UNC79: variants seen among roughly 807,000 people sequenced by gnomAD.
UNC79 encodes the protein protein unc-79 homolog.
In UNC79, 37 loss-of-function variants were observed where a neutral mutation model predicts 283.1. The observed-to-expected ratio is 0.13, with a 90% CI of 0.10 to 0.17. The LOEUF is 0.17. UNC79 is among the 10% of genes least tolerant of loss of function. The probability of loss-of-function intolerance (pLI) is 1.00; values close to 1 mark genes in which losing one functional copy is unlikely to be tolerated. For missense variants in UNC79, 2,272 were observed against 3,211.1 expected (o/e 0.71, Z 7.07); for synonymous variants, 1,107 against 1,200.2 (o/e 0.92, Z 1.61).
chr14:93,612,694 G>C (rs777625910), intron 26 of UNC79, 103 bp from the exon 28 acceptor site: 108 of 1,471,764 alleles, frequency 7.3e-5, no homozygotes, highest in Non-Finnish European at 8.7e-5. Context: ...AGAAAATTTT[G>C]TAGACGCAGA....
At chr14:93,515,183 G>A (rs2059997946) in intron 7 of UNC79, among the ~76,000 whole-genome samples, 1 of 151,248 alleles carries the variant, frequency 6.6e-6, no homozygotes, top group Non-Finnish European at 1.5e-5. Context: ...CTAAAGTTTT[G>A]TAGCCTTTGA....
At chr14:93,682,798 C>G in intron 42 of UNC79, 104 bp downstream of exon 45, 1 of 1,076,926 alleles carries the variant, frequency 9.3e-7, no homozygotes, top group Non-Finnish European at 1.4e-6. Flanking sequence ...CTGCCATTTA[C>G]TAGCTATGTG....
At chr14:93,385,633 G>T (rs1407504652) in intron 1 of UNC79, among the ~76,000 whole-genome samples, 2 of 152,082 alleles carry the variant, frequency 1.3e-5, no homozygotes, top group Non-Finnish European at 2.9e-5. Flanking sequence ...ACAAAAATTA[G>T]CCAGGCGTGT....
intron 47 of UNC79, among the ~76,000 whole-genome samples, chr14:93,704,122 C>A (rs1239783358): frequency 1.3e-5 from 2 of 152,184 alleles, no homozygotes; most frequent in Non-Finnish European, 2.9e-5. Context: ...TTCGCAGACA[C>A]CCGGCTCAGT....
At chr14:93,520,611 A>G (rs1388057813) in intron 7 of UNC79, among the ~76,000 whole-genome samples, 1 of 151,966 alleles carries the variant, frequency 6.6e-6, no homozygotes, top group African/African-American at 2.4e-5. Context: ...AGTTCACTGT[A>G]TCTCTATTTT....
At chr14:93,598,396 GT>G (rs1566742051) in intron 24 of UNC79, among the ~76,000 whole-genome samples, 4 of 151,814 alleles carry the variant, frequency 2.6e-5, no homozygotes, top group South Asian at 2.1e-4. Flanking sequence ...GTGTGTGTGT[GT>G]GTGTGTGTGT....
Position 93,687,865 on chromosome 14 carries a change from C to T in UNC79, c.6910-800C>T, listed in dbSNP as rs75494886. Among the ~76,000 whole-genome samples the T allele has an allele frequency of 5.7e-3, 867 of 152,118 alleles. 9 individuals are homozygous for T. The highest frequency in any genetic ancestry group is 0.02 in the African/African-American group (821 of 41,486). On this transcript the variant is annotated intron_variant, in intron 43 of 48. Transcript: ENST00000555664. ...GCTTTCGAAAAATAATAAGTAGGAA[C>T]CAGGATCATCAAAAGGTTGGAAATA...
At chr14:93,702,176 G>C (rs949832947) in intron 47 of UNC79, among the ~76,000 whole-genome samples, 2 of 152,078 alleles carry the variant, frequency 1.3e-5, no homozygotes, top group African/African-American at 2.4e-5. Flanking sequence ...TTTCCATTCA[G>C]AATGTCTAGA....
At chr14:93,366,417 A>G (rs1273031472) in intron 1 of UNC79, among the ~76,000 whole-genome samples, 1 of 152,192 alleles carries the variant, frequency 6.6e-6, no homozygotes, top group Non-Finnish European at 1.5e-5. Flanking sequence ...ATGTCCAGCC[A>G]GAGCAGGGTC....
intron 14 of UNC79, among the ~76,000 whole-genome samples, chr14:93,570,501 A>G (rs765169900): frequency 8.5e-5 from 13 of 152,240 alleles, no homozygotes; most frequent in Non-Finnish European, 1.6e-4. Context: ...GAAGTCTTCC[A>G]TAATATCTCC....
Position 93,457,048 on chromosome 14 carries a change from G to C in UNC79, c.23-10623G>C, listed in dbSNP as rs142940821. On this transcript the variant is annotated intron_variant, in intron 1 of 48. Coordinates refer to ENST00000555664, the Ensembl canonical transcript of UNC79. ...TTGTTCTTCCTATGAGTAGTAGGAA[G>C]AGGAGGTAGTGGAAACTTTAGTGTT... Among the ~76,000 whole-genome samples the C allele has an allele frequency of 9.7e-3, 1,482 of 152,328 alleles. 16 individuals are homozygous for C. Among genetic ancestry groups the C allele is most frequent in the Middle Eastern group, 0.051 (15 of 294 alleles).
At chr14:93,615,869 A>T (rs920888822) in intron 27 of UNC79, among the ~76,000 whole-genome samples, 1 of 152,042 alleles carries the variant, frequency 6.6e-6, no homozygotes, top group Non-Finnish European at 1.5e-5. Flanking sequence ...ACATTTTGGC[A>T]TATATTGCTC....
chr14:93,494,929 G>T (rs971913227), intron 5 of UNC79, among the ~76,000 whole-genome samples: 2 of 152,172 alleles, frequency 1.3e-5, no homozygotes, highest in Non-Finnish European at 2.9e-5. Flanking sequence ...CACTGTGGAG[G>T]TTATTATAAC....
At chr14:93,404,513 T>TATATATATATATATATATAAAA (rs1229909876) in intron 1 of UNC79, among the ~76,000 whole-genome samples, 4 of 113,294 alleles carry the variant, frequency 3.5e-5, no homozygotes, top group Admixed American at 1.0e-4. Flanking sequence ...TATATATATA[T>TATATATATATATATATATAAAA]AAATATATAC....
rs147681135 is a variant in UNC79, at chr14:93,544,753, T to C, written c.1755+2057T>C. 3.5e-3 allele frequency among the ~76,000 whole-genome samples: 539 copies of C among 152,260 alleles called. 3 individuals are homozygous for C. The highest frequency in any genetic ancestry group is 0.012 in the African/African-American group (514 of 41,542). ...AGCACAGATTAATGGTTGGGATAGA[T>C]TATAAATCTAGGTTTTGAGTACGGA... On this transcript the variant is annotated intron_variant, in intron 14 of 48. Transcript: ENST00000555664.
chr14:93,570,577 A>G (rs1566673121), intron 14 of UNC79, among the ~76,000 whole-genome samples: 1 of 152,140 alleles, frequency 6.6e-6, no homozygotes, highest in East Asian at 1.9e-4. Flanking sequence ...AGGGGAGTTT[A>G]TGGTGGGTGT....
At chr14:93,582,919 G>C (rs1481829949) in intron 20 of UNC79, among the ~76,000 whole-genome samples, 2 of 152,110 alleles carry the variant, frequency 1.3e-5, no homozygotes, top group Non-Finnish European at 2.9e-5. Context: ...CTCTGGGAAA[G>C]CCTGATTTCT....
intron 3 of UNC79, among the ~76,000 whole-genome samples, chr14:93,475,242 A>G (rs995723954): frequency 6.6e-6 from 1 of 152,212 alleles, no homozygotes; most frequent in African/African-American, 2.4e-5. Context: ...TTTTAACTTC[A>G]AAACTCTGAT....
At chr14:93,423,040 G>T (rs2055633645) in intron 1 of UNC79, among the ~76,000 whole-genome samples, 1 of 135,978 alleles carries the variant, frequency 7.4e-6, no homozygotes, top group African/African-American at 2.9e-5. Context: ...TCCAGCCTGG[G>T]GGACAGAGCG....
Sources: allele counts gnomAD v4.1 joint callset (sites outside exome capture counted in the v4.1 genomes callset), GRCh38; gene constraint gnomAD v4.1.1; transcripts MANE v1.5; gene names NCBI Gene and HGNC (gene_info 2026-07-23, HGNC 2026-07-21).